CELF2: variants seen among roughly 807,000 people sequenced by gnomAD.
The protein encoded by CELF2 is CUG triplet repeat RNA-binding protein 2.
A neutral mutation model predicts 62.6 loss-of-function variants in CELF2; 8 were observed. The ratio of observed to expected loss-of-function variants is 0.13; its 90% CI spans 0.07 to 0.23. The LOEUF is 0.23. CELF2 is among the 10% of genes least tolerant of loss of function. The pLI, the probability that CELF2 is intolerant of heterozygous loss-of-function variation, is 1.00. For synonymous variants in CELF2, 258 were observed against 250.0 expected, an observed-to-expected ratio of 1.03 and a Z score of -0.30; for missense variants, 333 against 671.0, an observed-to-expected ratio of 0.50 and a Z score of 5.56.
At chr10:10,970,809 C>T (rs1304288853) in intron 2 of CELF2, 3 of 152,046 alleles carry the variant, frequency 2.0e-5, no homozygotes, top group Admixed American at 1.3e-4. Flanking sequence ...CTCTTCAATT[C>T]ACCAAAAGTA....
At chr10:10,557,634 A>G in the CELF2 span, among the ~76,000 whole-genome samples, 1 of 152,044 alleles carries the variant, frequency 6.6e-6, no homozygotes, top group Non-Finnish European at 1.5e-5. Flanking sequence ...CAGTATTGCC[A>G]TTTTCACAAT....
rs947209504 is a variant in CELF2, at chr10:10,958,154, T to C, written c.89+38155T>C. Reference sequence around the variant, plus strand: ...AGAGAGAAGGGTGGATAAAGGGAATTTGACAAGTTTCAACAAGAAAGAAAA... The same window carrying C: ...AGAGAGAAGGGTGGATAAAGGGAATCTGACAAGTTTCAACAAGAAAGAAAA... On this transcript the variant is annotated intron_variant, in intron 2 of 13. Coordinates refer to the CELF2 transcript ENST00000636488. Among the ~76,000 whole-genome samples, 6 of 152,196 alleles carry C rather than the reference T, an allele frequency of 3.9e-5. No homozygotes were observed. In the South Asian group the frequency reaches 1.2e-3, roughly 32 times the overall value.
chr10:10,648,936 C>T, the CELF2 span, among the ~76,000 whole-genome samples: 1 of 152,144 alleles, frequency 6.6e-6, no homozygotes, highest in Non-Finnish European at 1.5e-5. Flanking sequence ...GGCTATTACC[C>T]ATCTTCTCCC....
intron 1 of CELF2, among the ~76,000 whole-genome samples, chr10:11,148,937 C>A (rs12098450): frequency 0.015 from 2,231 of 152,146 alleles, 44 homozygotes; most frequent in African/African-American, 0.051. Flanking sequence ...CTCAATAAAC[C>A]TCATCACTCT....
At position 11,290,059 on chromosome 10, in the gene CELF2, TTTAAGAAGCCAAA is replaced by T. The variant is rs2092266600; in HGVS notation, c.976+1509_976+1521del. Among the ~76,000 whole-genome samples the T allele has an allele frequency of 6.6e-6, 1 of 152,100 alleles. No individual in the cohort carries two copies. Among genetic ancestry groups the T allele is most frequent in the African/African-American group, 2.4e-5 (1 of 41,412 alleles). ...CTTCAGTCCAAAGGAGGCTTGACAG[TTTAAGAAGCCAAA>T]TGCAGAAGCAGCTGTCGGCTGATTG... On this transcript the variant is annotated intron_variant, in intron 9 of 12. Transcript: ENST00000633077. The surrounding 1 kb of genome is among the most constrained non-coding windows in gnomAD (Gnocchi z 4.3).
At chr10:11,234,037 C>T (rs2136510894) in intron 3 of CELF2, among the ~76,000 whole-genome samples, 1 of 152,298 alleles carries the variant, frequency 6.6e-6, no homozygotes, top group South Asian at 2.1e-4. Context: ...TATACTGTGC[C>T]CCTACCTTTT....
At chr10:10,867,039 A>T (rs2060430972) in intron 1 of CELF2, among the ~76,000 whole-genome samples, 1 of 152,200 alleles carries the variant, frequency 6.6e-6, no homozygotes. Flanking sequence ...ACAAAATTAA[A>T]TTATCTTACT....
In CELF2 at chr10:11,046,648, C is replaced by T. The variant is rs2062904048; in HGVS notation, c.74+28485C>T. The stretch of plus-strand genomic sequence containing the variant: ...TCATTTACCCTTTCTTTTCCTAACT[C>T]ATTTCAGACGGACGCTAATAACAGC... On this transcript the variant is annotated intron_variant, in intron 1 of 12. Transcript: ENST00000633077. The surrounding 1 kb of genome is among the most constrained non-coding windows in gnomAD (Gnocchi z 4.6). 6.6e-6 allele frequency among the ~76,000 whole-genome samples: 1 copy of T among 152,220 alleles called. No individual in the cohort carries two copies. The highest frequency in any genetic ancestry group is 2.1e-4 in the South Asian group (1 of 4,814).
At chr10:10,609,033 G>A in the CELF2 span, among the ~76,000 whole-genome samples, 1 of 152,172 alleles carries the variant, frequency 6.6e-6, no homozygotes, top group Non-Finnish European at 1.5e-5. Flanking sequence ...CCTTGCAAAC[G>A]TAATCTTCTC....
At chr10:10,741,824 C>A in the CELF2 span, among the ~76,000 whole-genome samples, 1 of 152,126 alleles carries the variant, frequency 6.6e-6, no homozygotes, top group African/African-American at 2.4e-5. Flanking sequence ...TGCAAGTATC[C>A]CGATTCCTCC....
intron 1 of CELF2, among the ~76,000 whole-genome samples, chr10:11,124,484 C>T (rs573585993): frequency 1.3e-5 from 2 of 152,082 alleles, no homozygotes; most frequent in African/African-American, 4.8e-5. Context: ...ATGTAATAAA[C>T]TTGATGTTTT....
chr10:10,605,646 T>G, the CELF2 span, among the ~76,000 whole-genome samples: 59 of 152,338 alleles, frequency 3.9e-4, no homozygotes, highest in African/African-American at 1.3e-3. Flanking sequence ...CCCTGGCCAA[T>G]TTGATCCCAT....
At chr10:11,020,061 T>G (rs1356918720) in intron 1 of CELF2, among the ~76,000 whole-genome samples, 1 of 152,224 alleles carries the variant, frequency 6.6e-6, no homozygotes, top group African/African-American at 2.4e-5. Context: ...TTACAAAAAT[T>G]TAATTTATCC....
the CELF2 span, among the ~76,000 whole-genome samples, chr10:10,519,535 C>T: frequency 6.6e-6 from 1 of 152,142 alleles, no homozygotes; most frequent in Admixed American, 6.5e-5. Flanking sequence ...AAAAATAGTC[C>T]TGACAGATGT....
chr10:10,672,906 G>T, the CELF2 span, among the ~76,000 whole-genome samples: 9 of 152,062 alleles, frequency 5.9e-5, no homozygotes, highest in Non-Finnish European at 1.3e-4. Flanking sequence ...TGCCAGTATT[G>T]AGTCTTCCTG....
At chr10:11,128,799 G>A (rs141443608) in intron 1 of CELF2, among the ~76,000 whole-genome samples, 6,088 of 152,192 alleles carry the variant, frequency 0.04, 144 homozygotes, top group Middle Eastern at 0.048. Context: ...GGGTGTTCTA[G>A]ATATACAATC....
intron 9 of CELF2, among the ~76,000 whole-genome samples, chr10:11,301,306 T>C (rs571751802): frequency 6.6e-6 from 1 of 151,488 alleles, no homozygotes; most frequent in African/African-American, 2.4e-5. Flanking sequence ...CCATCCCACC[T>C]TCTACACAGA....
the CELF2 span, among the ~76,000 whole-genome samples, chr10:10,749,762 A>G: frequency 6.6e-6 from 1 of 152,228 alleles, no homozygotes; most frequent in Non-Finnish European, 1.5e-5. Context: ...AAAAATGTTC[A>G]TGATTGTTAT....
chr10:11,312,316 A>T (rs563945798), intron 9 of CELF2, among the ~76,000 whole-genome samples: 56 of 152,378 alleles, frequency 3.7e-4, no homozygotes, highest in African/African-American at 1.2e-3. Context: ...CAGGTGAAAG[A>T]AGAATGAATA....
Sources: gnomAD v4.1 joint callset for allele counts (sites outside exome capture counted in the v4.1 genomes callset) on GRCh38, gnomAD v4.1.1 for gene constraint, Gnocchi (gnomAD v3.1) non-coding constraint, MANE v1.5 for transcripts, NCBI Gene and HGNC (gene_info 2026-07-23, HGNC 2026-07-21) for gene names.